The following ANKRD11 variants were observed in gnomAD, a reference collection of about 807,000 sequenced individuals.
The protein encoded by ANKRD11 is ankyrin repeat domain-containing protein 11.
A neutral mutation model predicts 195.7 loss-of-function variants in ANKRD11; 17 were observed. That is an observed-to-expected ratio of 0.09 (90% CI 0.06 to 0.13). ANKRD11 has a LOEUF of 0.13. Among genes scored for constraint, ANKRD11 ranks in the 10% least tolerant of loss-of-function variants. The pLI, the probability that ANKRD11 is intolerant of heterozygous loss-of-function variation, is 1.00. For missense variants in ANKRD11, 3,735 were observed against 3,566.1 expected (o/e 1.05, Z -1.21); for synonymous variants, 1,953 against 1,528.1 (o/e 1.28, Z -6.49).
intron 2 of ANKRD11, among the ~76,000 whole-genome samples, chr16:89,344,607 G>A (rs1340562747): frequency 2.0e-5 from 3 of 152,334 alleles, no homozygotes; most frequent in South Asian, 4.1e-4. Flanking sequence ...GCAAGCGTCC[G>A]GGAGGACACT....
chr16:89,371,024 CA>C (rs1287201407), intron 2 of ANKRD11, among the ~76,000 whole-genome samples: 5 of 152,120 alleles, frequency 3.3e-5, no homozygotes, highest in African/African-American at 1.2e-4. Flanking sequence ...ATGTGTTTGG[CA>C]ATGTTATAGC....
intron 2 of ANKRD11, among the ~76,000 whole-genome samples, chr16:89,408,298 C>T (rs573086513): frequency 6.6e-6 from 1 of 152,380 alleles, no homozygotes; most frequent in Non-Finnish European, 1.5e-5. Context: ...TCACTTTAGC[C>T]TTGGGCTACC....
In ANKRD11 at chr16:89,268,303, C is replaced by G; in HGVS notation, c.*175G>C. The G allele has an allele frequency of 2.6e-6, 1 of 389,164 alleles. No individual in the cohort carries two copies. The highest frequency in any genetic ancestry group is 2.2e-5 in the South Asian group (1 of 44,836). 24.1% of individuals were successfully genotyped at this position (389,164 alleles called of 1,614,324 possible). On this transcript the variant is annotated 3_prime_UTR_variant, in exon 13 of 13. Transcript: ENST00000301030. ...GGTAGAGAAGAGACGTGTTTCACCT[C>G]CCCGACGTCTGGACCAGTCTGGAAG...
chr16:89,286,904 G>T (rs996630645), intron 7 of ANKRD11: 12 of 1,289,426 alleles, frequency 9.3e-6, no homozygotes, highest in African/African-American at 1.5e-5. Flanking sequence ...CGCATTCAAA[G>T]AATCTGTCAT....
At chr16:89,373,433 C>T (rs1372233489) in intron 2 of ANKRD11, 1 of 152,628 alleles carries the variant, frequency 6.6e-6, no homozygotes, top group African/African-American at 2.4e-5. Context: ...AGGCCACCCT[C>T]TCCAGCCACG....
chr16:89,354,107 C>T (rs550441007), intron 2 of ANKRD11, among the ~76,000 whole-genome samples: 16 of 152,266 alleles, frequency 1.1e-4, no homozygotes, highest in African/African-American at 3.4e-4. Flanking sequence ...CCTCAGGTGC[C>T]GCCTGCAAGG....
intron 2 of ANKRD11, among the ~76,000 whole-genome samples, chr16:89,349,213 A>C (rs982330492): frequency 1.3e-5 from 2 of 151,458 alleles, no homozygotes; most frequent in African/African-American, 4.9e-5. Flanking sequence ...AAGAATCGAT[A>C]AATAGAATGA....
At chr16:89,349,133 G>GAAAAAAAAAAA (rs2039078338) in intron 2 of ANKRD11, among the ~76,000 whole-genome samples, 3 of 1,574 alleles carry the variant, frequency 1.9e-3, no homozygotes, top group African/African-American at 4.3e-3. Flanking sequence ...GTCTCAAAAA[G>GAAAAAAAAAAA]TAAAAAAAAA....
chr16:89,296,525 T>C (rs1243005186), intron 4 of ANKRD11, among the ~76,000 whole-genome samples: 5 of 152,270 alleles, frequency 3.3e-5, no homozygotes, highest in Non-Finnish European at 5.9e-5. Flanking sequence ...GGGTTTTTTA[T>C]TTCAGTGATT....
chr16:89,399,483 G>C (rs2041603459), intron 2 of ANKRD11, among the ~76,000 whole-genome samples: 1 of 152,218 alleles, frequency 6.6e-6, no homozygotes, highest in South Asian at 2.1e-4. Context: ...ACAAAGATCA[G>C]CGAATGCCAG....
intron 4 of ANKRD11, 160 bp downstream of exon 4, chr16:89,305,046 G>A: frequency 9.0e-7 from 1 of 1,113,898 alleles, no homozygotes; most frequent in Non-Finnish European, 1.3e-6. Context: ...GCATGTGGGG[G>A]CCTGTGCTCC....
At chr16:89,302,868 A>C (rs1422165607) in intron 4 of ANKRD11, among the ~76,000 whole-genome samples, 1 of 152,184 alleles carries the variant, frequency 6.6e-6, no homozygotes, top group Non-Finnish European at 1.5e-5. Flanking sequence ...CATGGTGTTC[A>C]ACACGCAGTT....
At chr16:89,271,221 C>G in intron 11 of ANKRD11, 1 of 445,480 alleles carries the variant, frequency 2.2e-6, no homozygotes, top group South Asian at 2.2e-5. Flanking sequence ...CAGCCCACTG[C>G]CAACTCCTGG....
chr16:89,432,938 G>C (rs866933541), intron 1 of ANKRD11, among the ~76,000 whole-genome samples: 18 of 130,756 alleles, frequency 1.4e-4, no homozygotes, highest in Middle Eastern at 4.0e-3. Context: ...GGGTGACAGA[G>C]ACCCTATCTC....
intron 1 of ANKRD11, among the ~76,000 whole-genome samples, chr16:89,440,305 C>T (rs892487147): frequency 1.2e-4 from 19 of 152,162 alleles, no homozygotes; most frequent in African/African-American, 4.6e-4. Context: ...CTAGGAAAAG[C>T]AGACCACCAG....
chr16:89,408,709 T>C (rs975135207), intron 2 of ANKRD11, among the ~76,000 whole-genome samples: 2 of 151,690 alleles, frequency 1.3e-5, no homozygotes, highest in Non-Finnish European at 2.9e-5. Context: ...ACCTCTGGCC[T>C]CAGAGTCCCC....
At chr16:89,314,684 G>C (rs999864895) in intron 3 of ANKRD11, among the ~76,000 whole-genome samples, 1 of 152,188 alleles carries the variant, frequency 6.6e-6, no homozygotes, top group African/African-American at 2.4e-5. Context: ...TGAGCCAGGA[G>C]AGCTCCCTCT....
intron 4 of ANKRD11, among the ~76,000 whole-genome samples, chr16:89,302,353 C>T (rs1016738539): frequency 1.7e-4 from 26 of 152,152 alleles, no homozygotes; most frequent in African/African-American, 5.8e-4. Flanking sequence ...ATTGGGTTCA[C>T]GCAATTCTCC....
intron 2 of ANKRD11, among the ~76,000 whole-genome samples, chr16:89,335,527 C>T (rs1201724726): frequency 6.6e-6 from 1 of 152,230 alleles, no homozygotes; most frequent in Non-Finnish European, 1.5e-5. Flanking sequence ...CGCTATACCA[C>T]TCCCATGAAA....
Sources: allele counts gnomAD v4.1 joint callset (sites outside exome capture counted in the v4.1 genomes callset), GRCh38; gene constraint gnomAD v4.1.1; transcripts MANE v1.5; gene names NCBI Gene and HGNC (gene_info 2026-07-23, HGNC 2026-07-21).